The following ARHGAP42 variants were observed in gnomAD, a reference collection of about 807,000 sequenced individuals.
The protein encoded by ARHGAP42 is rho GTPase-activating protein 42.
A neutral mutation model predicts 125.0 loss-of-function variants in ARHGAP42; 63 were observed. That is an observed-to-expected ratio of 0.50 (90% CI 0.41 to 0.62). ARHGAP42 has a LOEUF of 0.62. ARHGAP42 is among the 20% of genes least tolerant of loss of function. The pLI, the probability that ARHGAP42 is intolerant of heterozygous loss-of-function variation, is 0.00. For synonymous variants in ARHGAP42, 339 were observed against 351.0 expected (o/e 0.97, Z 0.38); for missense variants, 766 against 1,024.2 (o/e 0.75, Z 3.44).
At chr11:100,914,450 G>A (rs924058297) in intron 5 of ARHGAP42, among the ~76,000 whole-genome samples, 1 of 151,480 alleles carries the variant, frequency 6.6e-6, no homozygotes, top group Admixed American at 6.6e-5. Context: ...CAGTGACAAA[G>A]TGTGTCCAAA....
At chr11:100,830,625 C>T (rs12283784) in intron 3 of ARHGAP42, among the ~76,000 whole-genome samples, 15,059 of 152,212 alleles carry the variant, frequency 0.099, 1,099 homozygotes, top group African/African-American at 0.21. Context: ...TAGAAAATAA[C>T]GTCTCAACTC....
Position 100,759,387 on chromosome 11 carries a change from C to T in ARHGAP42, c.155-10956C>T, listed in dbSNP as rs116314565. On this transcript the variant is annotated intron_variant, in intron 1 of 23. Coordinates refer to ENST00000298815, the MANE Select transcript of ARHGAP42 (RefSeq NM_152432.4). ...CTTCTTATCTCTAATTGCTCTCTGC[C>T]AATCTTAAAAAGGCCTTAATTTACC... 6.4e-3 allele frequency among the ~76,000 whole-genome samples: 978 copies of T among 152,172 alleles called. 21 individuals are homozygous for T. The highest frequency in any genetic ancestry group is 0.022 in the African/African-American group (925 of 41,510).
In ARHGAP42 at chr11:100,937,035, C is replaced by G. The variant is rs183969520; in HGVS notation, c.832+703C>G. ...AAACAGTTGTGTGTGAGTTTCCAGC[C>G]CATCGTGGACCAATGTGAAAGGCTT... On this transcript the variant is annotated intron_variant, in intron 8 of 23. Coordinates refer to ENST00000298815, the MANE Select transcript of ARHGAP42 (RefSeq NM_152432.4). Among the ~76,000 whole-genome samples the G allele has an allele frequency of 3.5e-3, 538 of 152,274 alleles. 3 individuals carry two copies. The highest frequency in any genetic ancestry group is 0.013 in the African/African-American group (520 of 41,536).
chr11:100,988,683 T>C, intron 23 of ARHGAP42, 30 bp from the exon 24 acceptor site: 1 of 1,504,460 alleles, frequency 6.6e-7, no homozygotes, highest in Non-Finnish European at 9.0e-7. Context: ...TAATGTTGAC[T>C]GAGTGCTATT....
intron 8 of ARHGAP42, among the ~76,000 whole-genome samples, chr11:100,936,753 G>A (rs1867748484): frequency 2.0e-5 from 3 of 152,072 alleles, no homozygotes; most frequent in African/African-American, 4.8e-5. Context: ...GGTAATCATG[G>A]TAATGTCAAA....
chr11:100,946,002 G>A (rs1403440430), intron 10 of ARHGAP42, among the ~76,000 whole-genome samples: 1 of 152,064 alleles, frequency 6.6e-6, no homozygotes, highest in African/African-American at 2.4e-5. Context: ...AAAATCTGTT[G>A]TTTACTGTAG....
chr11:100,939,639 C>T (rs1392350552), intron 8 of ARHGAP42, among the ~76,000 whole-genome samples: 2 of 152,106 alleles, frequency 1.3e-5, no homozygotes, highest in Non-Finnish European at 1.5e-5. Context: ...TCTCAGCAAC[C>T]TTAAATGATT....
chr11:100,953,573 A>G (rs1857721227), intron 12 of ARHGAP42, among the ~76,000 whole-genome samples: 1 of 152,164 alleles, frequency 6.6e-6, no homozygotes, highest in Non-Finnish European at 1.5e-5. Flanking sequence ...GAATAAAACT[A>G]TGCTGTGACT....
At chr11:100,923,874 C>T (rs1026753117) in intron 6 of ARHGAP42, among the ~76,000 whole-genome samples, 1 of 152,034 alleles carries the variant, frequency 6.6e-6, no homozygotes, top group Admixed American at 6.5e-5. Context: ...GAGTCTCATC[C>T]ATGGAGTTGT....
At chr11:100,886,558 T>C (rs1313173832) in intron 4 of ARHGAP42, among the ~76,000 whole-genome samples, 2 of 152,242 alleles carry the variant, frequency 1.3e-5, no homozygotes, top group African/African-American at 4.8e-5. Flanking sequence ...TTACTTCTAA[T>C]TTGTATAATC....
At chr11:100,959,799 A>T in intron 12 of ARHGAP42, 84 bp from the exon 13 acceptor site, 1 of 1,293,504 alleles carries the variant, frequency 7.7e-7, no homozygotes, top group Non-Finnish European at 1.1e-6. Context: ...CTGTTGAGTC[A>T]TAAAGGCCCA....
At chr11:100,881,435 A>G (rs1016211138) in intron 4 of ARHGAP42, among the ~76,000 whole-genome samples, 1 of 152,160 alleles carries the variant, frequency 6.6e-6, no homozygotes, top group Non-Finnish European at 1.5e-5. Context: ...CCATTGGTCT[A>G]TGTGCCTATT....
At chr11:100,770,286 C>G (rs938460387) in intron 1 of ARHGAP42, 57 bp from the exon 2 acceptor site, 1 of 1,147,604 alleles carries the variant, frequency 8.7e-7, no homozygotes, top group South Asian at 1.6e-5. Context: ...TTTGGAAACT[C>G]ATTCGGATTC....
chr11:100,826,229 C>T (rs537967997), intron 3 of ARHGAP42, among the ~76,000 whole-genome samples: 6 of 152,102 alleles, frequency 3.9e-5, no homozygotes, highest in East Asian at 1.9e-4. Context: ...GTGTGGAATA[C>T]GTCCTATAAT....
intron 3 of ARHGAP42, among the ~76,000 whole-genome samples, chr11:100,853,034 T>A (rs1319428696): frequency 6.6e-6 from 1 of 152,208 alleles, no homozygotes; most frequent in Admixed American, 6.6e-5. Context: ...CTGAATGACA[T>A]AATTTAAATA....
chr11:100,926,301 A>G (rs1005212387), intron 6 of ARHGAP42, among the ~76,000 whole-genome samples: 1 of 152,236 alleles, frequency 6.6e-6, no homozygotes, highest in African/African-American at 2.4e-5. Context: ...AGTTACAGAA[A>G]GATTGTTGGT....
chr11:100,977,788 C>G (rs1318508224), intron 21 of ARHGAP42, among the ~76,000 whole-genome samples: 1 of 152,102 alleles, frequency 6.6e-6, no homozygotes, highest in Non-Finnish European at 1.5e-5. Flanking sequence ...CCGTTTCCAA[C>G]CTAGGGTTCT....
At chr11:100,928,693 C>T (rs889448842) in intron 6 of ARHGAP42, among the ~76,000 whole-genome samples, 7 of 152,104 alleles carry the variant, frequency 4.6e-5, no homozygotes, top group African/African-American at 1.4e-4. Context: ...ATCTGTGCAA[C>T]GATCACCACA....
At chr11:100,961,032 A>G (rs748221406) in intron 14 of ARHGAP42, 43 bp downstream of exon 14, 4 of 1,376,648 alleles carry the variant, frequency 2.9e-6, no homozygotes, top group African/African-American at 2.9e-5. Flanking sequence ...TTGTGTTCTT[A>G]TAGGTAATCT....
Sources: gnomAD v4.1 joint callset for allele counts (sites outside exome capture counted in the v4.1 genomes callset) on GRCh38, gnomAD v4.1.1 for gene constraint, MANE v1.5 for transcripts, NCBI Gene and HGNC (gene_info 2026-07-23, HGNC 2026-07-21) for gene names.